The following MTHFD2L variants were observed in gnomAD, a reference collection of about 807,000 sequenced individuals.
MTHFD2L encodes methylenetetrahydrofolate dehydrogenase (NADP+ dependent) 2 like, also known as bifunctional methylenetetrahydrofolate dehydrogenase/cyclohydrolase 2, mitochondrial.
A neutral mutation model predicts 34.9 loss-of-function variants in MTHFD2L; 29 were observed. That is an observed-to-expected ratio of 0.83 (90% CI 0.62 to 1.13). The LOEUF (loss-of-function observed/expected upper bound fraction) is 1.13. Among genes scored for constraint, MTHFD2L ranks in the 50% most tolerant of loss-of-function variants. MTHFD2L has a pLI of 0.00. For synonymous variants in MTHFD2L, 167 were observed against 155.7 expected (o/e 1.07, Z -0.54); for missense variants, 481 against 446.5 (o/e 1.08, Z -0.70).
intron 1 of MTHFD2L, among the ~76,000 whole-genome samples, chr4:74,164,223 T>C (rs928580267): frequency 2.6e-5 from 4 of 152,220 alleles, no homozygotes; most frequent in African/African-American, 9.7e-5. Flanking sequence ...GCAGCTCTAG[T>C]TGAAGTCGTG....
chr4:74,207,016 G>C (rs1243323236), intron 5 of MTHFD2L, among the ~76,000 whole-genome samples: 2 of 151,950 alleles, frequency 1.3e-5, no homozygotes, highest in African/African-American at 2.4e-5. Flanking sequence ...TCCTCCTGTT[G>C]GGAGCACGGT....
chr4:74,134,734 A>T (rs1348195497), intron 1 of MTHFD2L, among the ~76,000 whole-genome samples: 1 of 152,178 alleles, frequency 6.6e-6, no homozygotes, highest in Non-Finnish European at 1.5e-5. Context: ...ACAGAAAAGC[A>T]ACTCAGATAT....
intron 3 of MTHFD2L, among the ~76,000 whole-genome samples, chr4:74,185,053 G>A (rs1412089395): frequency 6.7e-6 from 1 of 150,172 alleles, no homozygotes; most frequent in Non-Finnish European, 1.5e-5. Context: ...TCGGGAGGCT[G>A]AGGCAGGAGA....
At chr4:74,275,399 A>AT (rs1746482976) in intron 6 of MTHFD2L, among the ~76,000 whole-genome samples, 2 of 152,130 alleles carry the variant, frequency 1.3e-5, no homozygotes, top group Non-Finnish European at 2.9e-5. Context: ...TAGCGCTGCG[A>AT]TAAATATATG....
chr4:74,294,208 G>T (rs1436637881), intron 7 of MTHFD2L, among the ~76,000 whole-genome samples: 3 of 152,000 alleles, frequency 2.0e-5, no homozygotes, highest in African/African-American at 7.2e-5. Context: ...CTTTAACTTT[G>T]CCAGAATATA....
intron 3 of MTHFD2L, chr4:74,194,424 G>T (rs1360599590): frequency 6.6e-6 from 1 of 151,750 alleles, no homozygotes; most frequent in African/African-American, 2.4e-5. Flanking sequence ...CTCTACATCT[G>T]TTTGTTTTTA....
chr4:74,158,260 G>C lies in MTHFD2L; in HGVS notation c.122G>C (p.Gly41Ala). 6.9e-7 allele frequency: 1 copy of C among 1,454,944 alleles called. No homozygotes were observed. The highest frequency in any genetic ancestry group is 2.7e-5 in the Admixed American group (1 of 36,536). The allele number at this position is 1,454,944 out of a possible 1,614,324, so 90.1% of individuals were successfully genotyped here. A position where few individuals can be genotyped will look rare whatever the true frequency, so the allele number is the denominator to read the frequency against. ...APGEPGSAFR[G>A]FRSSGVRHEA... ...GGAGAGCCCGGGAGTGCGTTCCGGG[G>C]CTTTCGGAGCAGCGGTGTGAGGTAC... The change falls in exon 1 of 8, where the codon GGC becomes GCC. Residue 41 changes from glycine to alanine, a missense_variant. By Grantham distance (60) the Gly-to-Ala change is moderately conservative. Coordinates refer to ENST00000325278, the MANE Select transcript of MTHFD2L (RefSeq NM_001144978.3).
chr4:74,186,460 C>CAGCTACTAGT (rs1731285143), intron 3 of MTHFD2L, among the ~76,000 whole-genome samples: 1 of 34,624 alleles, frequency 2.9e-5, no homozygotes, highest in Non-Finnish European at 8.4e-5. Flanking sequence ...AAAAAAAAAA[C>CAGCTACTAGT]AGCTACTAGT....
chr4:74,191,606 A>G (rs953330913), intron 3 of MTHFD2L, among the ~76,000 whole-genome samples: 2 of 152,112 alleles, frequency 1.3e-5, no homozygotes, highest in African/African-American at 4.8e-5. Context: ...GCTGGAGTGC[A>G]TTGGCTTGAT....
At position 74,219,902 on chromosome 4, in the gene MTHFD2L, A is replaced by T. The variant is rs1324430807; in HGVS notation, c.713-5400A>T. The stretch of plus-strand genomic sequence containing the variant: ...GTTAACCTGATAGTATTGAAAAAGG[A>T]GTGAAATTACCTACAAGGGTTTTCC... On this transcript the variant is annotated intron_variant, in intron 5 of 7. Transcript: ENST00000325278. Among the ~76,000 whole-genome samples the T allele has an allele frequency of 3.9e-5, 6 of 152,128 alleles. No homozygotes were observed. In the East Asian group the frequency reaches 1.2e-3, roughly 29 times the overall value.
At chr4:74,116,894 C>T (rs752151977) in intron 2 of MTHFD2L, among the ~76,000 whole-genome samples, 3 of 152,230 alleles carry the variant, frequency 2.0e-5, no homozygotes, top group Non-Finnish European at 4.4e-5. Flanking sequence ...TTAAATGACA[C>T]TCATGTCTGC....
chr4:74,201,316 G>A lies in MTHFD2L; in HGVS notation c.658G>A (p.Gly220Arg). ...TGTGGCTGGAAGATCCAAGAACGTA[G>A]GGATGCCTATTGCCATGCTTTTACA... ...VVVAGRSKNV[G>R]MPIAMLLHTD... is the part of the protein sequence containing the mutation. Residue 220 changes from glycine (G) to arginine (R), a missense_variant, in exon 5 of 8, where the codon GGG becomes AGG. Gly to Arg is a moderately radical substitution (Grantham distance 125, BLOSUM62 -2). Transcript: ENST00000325278. 6.2e-7 allele frequency: 1 copy of A among 1,613,822 alleles called. No homozygotes were observed. The highest frequency in any genetic ancestry group is 8.5e-7 in the Non-Finnish European group (1 of 1,179,844).
rs544832778 is a variant in MTHFD2L, at chr4:74,251,644, C to G, written c.805+26250C>G. On this transcript the variant is annotated intron_variant, in intron 6 of 7. Transcript: ENST00000325278. ...CACAAATATGCCTGAAAAACATGCCCTCACTGCCACAAGCCAGGCTAAGTA... is the reference window on the plus strand; with the variant it reads ...CACAAATATGCCTGAAAAACATGCCGTCACTGCCACAAGCCAGGCTAAGTA... Among the ~76,000 whole-genome samples, 8 of 152,210 alleles carry G rather than the reference C, an allele frequency of 5.3e-5. 1 individual carries two copies. The highest frequency in any genetic ancestry group is 1.9e-4 in the African/African-American group (8 of 41,542).
At chr4:74,233,731 G>T in intron 6 of MTHFD2L, among the ~76,000 whole-genome samples, 1 of 151,942 alleles carries the variant, frequency 6.6e-6, no homozygotes, top group East Asian at 1.9e-4. Flanking sequence ...ATTTTTCCAA[G>T]ATCGATCACC....
intron 1 of MTHFD2L, among the ~76,000 whole-genome samples, chr4:74,166,809 A>G (rs1034944605): frequency 3.9e-5 from 6 of 152,206 alleles, no homozygotes; most frequent in Non-Finnish European, 5.9e-5. Flanking sequence ...AGCCTGCCCC[A>G]GTACCAGGTC....
chr4:74,220,704 G>A (rs11724468), intron 5 of MTHFD2L, among the ~76,000 whole-genome samples: 102,094 of 151,296 alleles, frequency 0.67, 35,727 homozygotes, highest in Middle Eastern at 0.78. Context: ...TTATAATGGG[G>A]CCTCTTCTTA....
At chr4:74,145,090 G>T (rs1408770521) in intron 1 of MTHFD2L, among the ~76,000 whole-genome samples, 2 of 151,170 alleles carry the variant, frequency 1.3e-5, no homozygotes, top group African/African-American at 4.9e-5. Context: ...AATAGAGAAA[G>T]ATTGCTTCAA....
At chr4:74,141,996 C>A (rs1379816963) in intron 1 of MTHFD2L, among the ~76,000 whole-genome samples, 1 of 152,142 alleles carries the variant, frequency 6.6e-6, no homozygotes, top group Non-Finnish European at 1.5e-5. Flanking sequence ...AGAGTCTCAG[C>A]TTGAGCCTAA....
chr4:74,254,510 T>C lies in MTHFD2L; in HGVS notation c.806-26915T>C, dbSNP rs113185945. Among the ~76,000 whole-genome samples, 1,246 of 146,480 alleles carry C rather than the reference T, an allele frequency of 8.5e-3. 25 individuals carry two copies. The highest frequency in any genetic ancestry group is 0.03 in the African/African-American group (1,198 of 39,532). ...AAAGTGCTAAATAAAAACAAACAAA[T>C]AGAACTATCAACTAAGTATAATATA... On this transcript the variant is annotated intron_variant, in intron 6 of 7. Transcript: ENST00000325278.
Sources: allele counts gnomAD v4.1 joint callset (sites outside exome capture counted in the v4.1 genomes callset), GRCh38; gene constraint gnomAD v4.1.1; transcripts MANE v1.5; gene names NCBI Gene and HGNC (gene_info 2026-07-23, HGNC 2026-07-21).